Variants in CTNNA2 observed in about 807,000 individuals in gnomAD.
CTNNA2 encodes the protein catenin alpha 2.
CTNNA2 carries 42 observed loss-of-function variants against 101.0 expected under a neutral mutation model. The observed-to-expected ratio is 0.42, with a 90% CI of 0.32 to 0.54. The LOEUF is 0.54. Ranked by LOEUF, CTNNA2 falls within the 20% of genes least tolerant of loss-of-function variation. The pLI, the probability that CTNNA2 is intolerant of heterozygous loss-of-function variation, is 0.14. For synonymous variants in CTNNA2, 450 were observed against 456.4 expected, an observed-to-expected ratio of 0.99 and a Z score of 0.18; for missense variants, 871 against 1,223.1, an observed-to-expected ratio of 0.71 and a Z score of 4.29.
At chr2:79,650,051 A>T (rs1029682684) in intron 1 of CTNNA2, among the ~76,000 whole-genome samples, 1 of 152,080 alleles carries the variant, frequency 6.6e-6, no homozygotes, top group Admixed American at 6.6e-5. Flanking sequence ...GTTGGTATTA[A>T]GGCAAATCAT....
intron 7 of CTNNA2, among the ~76,000 whole-genome samples, chr2:80,026,475 A>G (rs1694934045): frequency 6.6e-6 from 1 of 152,152 alleles, no homozygotes; most frequent in Non-Finnish European, 1.5e-5. Flanking sequence ...GTACTGCTGG[A>G]CAGTTTTCCT....
intron 7 of CTNNA2, among the ~76,000 whole-genome samples, chr2:80,356,860 G>T (rs1673863945): frequency 6.6e-6 from 1 of 152,164 alleles, no homozygotes; most frequent in African/African-American, 2.4e-5. Context: ...CTTGTGTATG[G>T]CTGAATCAAA....
intron 7 of CTNNA2, among the ~76,000 whole-genome samples, chr2:80,178,768 C>T (rs1043496066): frequency 1.3e-5 from 2 of 152,192 alleles, no homozygotes; most frequent in Non-Finnish European, 2.9e-5. Flanking sequence ...GGGCCAAATG[C>T]AGCAACTTAT....
At chr2:80,424,176 A>G (rs372044786) in intron 9 of CTNNA2, among the ~76,000 whole-genome samples, 6 of 152,152 alleles carry the variant, frequency 3.9e-5, no homozygotes, top group African/African-American at 7.2e-5. Flanking sequence ...GGCTGGTCTC[A>G]AACTCCTGAC....
At chr2:80,625,785 A>C (rs566809884) in intron 18 of CTNNA2, among the ~76,000 whole-genome samples, 8 of 152,156 alleles carry the variant, frequency 5.3e-5, no homozygotes, top group Admixed American at 2.0e-4. Flanking sequence ...ATTTATTTCT[A>C]TGTGAAAGCA....
At chr2:79,992,487 A>G (rs1692251956) in intron 7 of CTNNA2, among the ~76,000 whole-genome samples, 2 of 152,072 alleles carry the variant, frequency 1.3e-5, no homozygotes, top group South Asian at 4.2e-4. Context: ...GTTGGTAAAA[A>G]CCTTTTTAAA....
At chr2:80,598,749 T>A (rs954486053) in intron 15 of CTNNA2, among the ~76,000 whole-genome samples, 1 of 152,192 alleles carries the variant, frequency 6.6e-6, no homozygotes, top group African/African-American at 2.4e-5. Context: ...TTTAGATAAT[T>A]ATGCTGAGTG....
At chr2:79,785,001 T>A (rs1444726163) in intron 3 of CTNNA2, among the ~76,000 whole-genome samples, 2 of 152,180 alleles carry the variant, frequency 1.3e-5, no homozygotes, top group Non-Finnish European at 1.5e-5. Flanking sequence ...TATGTGTACT[T>A]TTTTGTATAT....
In CTNNA2 at chr2:79,564,843, A is replaced by G. The variant is rs1573358169; in HGVS notation, c.-6+51636A>G. Among the ~76,000 whole-genome samples, 4 of 152,228 alleles carry G rather than the reference A, an allele frequency of 2.6e-5. No individual in the cohort carries two copies. The South Asian group carries it at 8.3e-4, about 32-fold the overall frequency. On this transcript the variant is annotated intron_variant, in intron 1 of 18. Transcript: ENST00000402739. ...CGCTCTGGGATTCCAGCTTCATGCTAGTGCTATTAAGAGCTATTAGCATAT... is the reference window on the plus strand; with the variant it reads ...CGCTCTGGGATTCCAGCTTCATGCTGGTGCTATTAAGAGCTATTAGCATAT...
At chr2:80,238,935 A>T (rs1229520592) in intron 7 of CTNNA2, among the ~76,000 whole-genome samples, 1 of 152,206 alleles carries the variant, frequency 6.6e-6, no homozygotes, top group Non-Finnish European at 1.5e-5. Flanking sequence ...GGCTTAATAT[A>T]GTCCGTATTC....
intron 3 of CTNNA2, among the ~76,000 whole-genome samples, chr2:79,757,656 C>G (rs1370280466): frequency 1.3e-5 from 2 of 152,156 alleles, no homozygotes; most frequent in African/African-American, 4.8e-5. Context: ...GCCTATGCAT[C>G]CTGTGCAAAC....
intron 2 of CTNNA2, among the ~76,000 whole-genome samples, chr2:79,234,017 A>G (rs891941967): frequency 5.4e-5 from 8 of 149,014 alleles, no homozygotes; most frequent in African/African-American, 2.0e-4. Flanking sequence ...TGTGTCTTTT[A>G]AGTGGGGTGC....
chr2:79,404,749 T>C (rs1348407127), intron 4 of CTNNA2, among the ~76,000 whole-genome samples: 1 of 152,030 alleles, frequency 6.6e-6, no homozygotes, highest in Non-Finnish European at 1.5e-5. Flanking sequence ...AGTGGAAATA[T>C]GGTCCTTGGG....
Position 79,579,536 on chromosome 2 carries a change from A to AAT in CTNNA2, c.-6+66330_-6+66331dup, listed in dbSNP as rs1676017279. 2.0e-5 allele frequency among the ~76,000 whole-genome samples: 3 copies of AAT among 152,186 alleles called. No homozygotes were observed. The South Asian group carries it at 6.2e-4, about 32-fold the overall frequency. ...TTTAACATTAAGCTTTTAAAATATA[A>AAT]ATGTATTTGCTTGGGGTGCAGGACA... On this transcript the variant is annotated intron_variant, in intron 1 of 18. Transcript: ENST00000402739.
At chr2:80,331,854 C>A (rs76305745) in intron 7 of CTNNA2, among the ~76,000 whole-genome samples, 4,017 of 152,176 alleles carry the variant, frequency 0.026, 81 homozygotes, top group Admixed American at 0.054. Context: ...ATAACTTACA[C>A]CTTGTCTCGA....
intron 3 of CTNNA2, among the ~76,000 whole-genome samples, chr2:79,354,082 C>T (rs1392131159): frequency 6.6e-6 from 1 of 152,016 alleles, no homozygotes; most frequent in Non-Finnish European, 1.5e-5. Flanking sequence ...TGACCTGGCC[C>T]TCCCTCTAGC....
intron 2 of CTNNA2, among the ~76,000 whole-genome samples, chr2:79,693,736 T>C (rs1473341200): frequency 6.6e-6 from 1 of 151,816 alleles, no homozygotes; most frequent in Non-Finnish European, 1.5e-5. Context: ...GAGGTGATAA[T>C]AGGGTATGTG....
At chr2:80,611,359 A>C in intron 17 of CTNNA2, among the ~76,000 whole-genome samples, 1 of 148,210 alleles carries the variant, frequency 6.7e-6, no homozygotes, top group Non-Finnish European at 1.5e-5. Flanking sequence ...AGGTAGAAGA[A>C]AAGAAAAAAG....
rs183215912 is a variant in CTNNA2, at chr2:79,888,002, A to T, written c.852+13660A>T. ...GTTCTTAGATCCCTGTAAACATACTACAATTTATATATGTAATACGGGCTC... is the reference window on the plus strand; with the variant it reads ...GTTCTTAGATCCCTGTAAACATACTTCAATTTATATATGTAATACGGGCTC... On this transcript the variant is annotated intron_variant, in intron 6 of 18. Transcript: ENST00000402739. Among the ~76,000 whole-genome samples, 17 of 152,324 alleles carry T rather than the reference A, an allele frequency of 1.1e-4. No homozygotes were observed. In the East Asian group the frequency reaches 3.3e-3, roughly 29 times the overall value.
Sources: allele counts gnomAD v4.1 joint callset (sites outside exome capture counted in the v4.1 genomes callset), GRCh38; gene constraint gnomAD v4.1.1; transcripts MANE v1.5; gene names NCBI Gene and HGNC (gene_info 2026-07-23, HGNC 2026-07-21).